Variants in GALNTL6 observed in about 807,000 individuals in gnomAD.
GALNTL6 encodes polypeptide N-acetylgalactosaminyltransferase-like 6.
In GALNTL6, 46 loss-of-function variants were observed where a neutral mutation model predicts 73.7. The ratio of observed to expected loss-of-function variants is 0.62; its 90% confidence interval spans 0.49 to 0.80. The LOEUF (loss-of-function observed/expected upper bound fraction) is 0.80, where lower values mean the gene tolerates loss of function less well. Among genes scored for constraint, GALNTL6 ranks in the 30% least tolerant of loss-of-function variants. GALNTL6 has a pLI of 0.00. For synonymous variants in GALNTL6, 259 were observed against 263.7 expected, an observed-to-expected ratio of 0.98 and a Z score of 0.17; for missense variants, 604 against 755.0, an observed-to-expected ratio of 0.80 and a Z score of 2.34.
chr4:172,176,538 T>C (rs1735008220), intron 2 of GALNTL6, among the ~76,000 whole-genome samples: 2 of 151,846 alleles, frequency 1.3e-5, no homozygotes, highest in African/African-American at 4.8e-5. Flanking sequence ...GCCTCTAATC[T>C]CAGTGGTTTT....
intron 10 of GALNTL6, among the ~76,000 whole-genome samples, chr4:172,974,560 C>A (rs775519565): frequency 2.6e-5 from 4 of 152,208 alleles, no homozygotes; most frequent in African/African-American, 9.7e-5. Flanking sequence ...AGAGGCCACA[C>A]TGGTGTCATG....
rs1196378450 is a variant in GALNTL6, at chr4:172,658,184, G to GGGCC, written c.554-151174_554-151171dup. On this transcript the variant is annotated intron_variant, in intron 5 of 12. Transcript: ENST00000506823. ...AAAAAAAAAAAGAAATATCTTTGTG[G>GGGCC]GGCCGGGTGCAGTGGCTCATGCCTG... 3.9e-5 allele frequency among the ~76,000 whole-genome samples: 5 copies of GGGCC among 128,208 alleles called. No homozygotes were observed. The South Asian group carries it at 1.3e-3, about 32-fold the overall frequency. 84.1% of individuals were successfully genotyped at this position (128,208 alleles called of 152,430 possible).
chr4:172,915,767 AC>A (rs894200770), intron 8 of GALNTL6, among the ~76,000 whole-genome samples: 4 of 151,972 alleles, frequency 2.6e-5, no homozygotes, highest in Non-Finnish European at 5.9e-5. Flanking sequence ...TAGCCTATCA[AC>A]AAAAAAGTCC....
chr4:172,634,984 G>T (rs1454509930), intron 5 of GALNTL6, among the ~76,000 whole-genome samples: 1 of 152,096 alleles, frequency 6.6e-6, no homozygotes, highest in African/African-American at 2.4e-5. Context: ...AGATTTGATG[G>T]CTTACATCAA....
At chr4:172,864,066 C>T (rs1305314670) in intron 7 of GALNTL6, among the ~76,000 whole-genome samples, 1 of 152,172 alleles carries the variant, frequency 6.6e-6, no homozygotes, top group Non-Finnish European at 1.5e-5. Flanking sequence ...CGTGACTTTG[C>T]TCTTCCTTTG....
intron 5 of GALNTL6, among the ~76,000 whole-genome samples, chr4:172,565,624 G>A (rs545937236): frequency 2.0e-4 from 30 of 152,270 alleles, no homozygotes; most frequent in African/African-American, 5.8e-4. Context: ...TCATAATTGA[G>A]TTTAGAAGTG....
intron 4 of GALNTL6, among the ~76,000 whole-genome samples, chr4:172,327,793 G>C (rs985156541): frequency 2.0e-5 from 3 of 151,996 alleles, no homozygotes; most frequent in Non-Finnish European, 4.4e-5. Context: ...ATCATTGCAT[G>C]TCAGATGGGT....
intron 5 of GALNTL6, among the ~76,000 whole-genome samples, chr4:172,417,241 T>G (rs1730871717): frequency 6.6e-6 from 1 of 152,056 alleles, no homozygotes; most frequent in East Asian, 1.9e-4. Flanking sequence ...TTAATGTAGC[T>G]GTTCTTTTTG....
At chr4:172,358,801 G>C (rs1163843598) in intron 5 of GALNTL6, among the ~76,000 whole-genome samples, 1 of 140,830 alleles carries the variant, frequency 7.1e-6, no homozygotes, top group Non-Finnish European at 1.5e-5. Flanking sequence ...AAACTTCAGT[G>C]TGCTTGTTTT....
At chr4:172,387,135 CACCTCCAAATA>C (rs944234165) in intron 5 of GALNTL6, among the ~76,000 whole-genome samples, 12 of 152,166 alleles carry the variant, frequency 7.9e-5, no homozygotes, top group African/African-American at 2.9e-4. Context: ...CCAAAGGGCC[CACCTCCAAATA>C]ACCTTCTATG....
chr4:172,477,607 C>T (rs1733286042), intron 5 of GALNTL6, among the ~76,000 whole-genome samples: 1 of 152,204 alleles, frequency 6.6e-6, no homozygotes, highest in South Asian at 2.1e-4. Context: ...CACTCTCCCA[C>T]CTTAACCTCA....
intron 5 of GALNTL6, among the ~76,000 whole-genome samples, chr4:172,789,074 C>A (rs1225753851): frequency 6.6e-6 from 1 of 152,144 alleles, no homozygotes; most frequent in Non-Finnish European, 1.5e-5. Context: ...TAGACGCCAG[C>A]TAGATGTCCT....
chr4:173,023,864 T>C (rs1428644204), intron 12 of GALNTL6, among the ~76,000 whole-genome samples: 2 of 152,182 alleles, frequency 1.3e-5, no homozygotes, highest in Non-Finnish European at 2.9e-5. Context: ...ATACAGCCTG[T>C]GTGTGGTGCA....
chr4:171,880,821 A>G (rs2110910965), intron 2 of GALNTL6, among the ~76,000 whole-genome samples: 1 of 152,304 alleles, frequency 6.6e-6, no homozygotes, highest in African/African-American at 2.4e-5. Context: ...CTTAAAAAAA[A>G]GAAAAACTGT....
At chr4:172,629,518 C>G (rs557861322) in intron 5 of GALNTL6, among the ~76,000 whole-genome samples, 1 of 152,140 alleles carries the variant, frequency 6.6e-6, no homozygotes, top group East Asian at 1.9e-4. Flanking sequence ...TGACAAGCAA[C>G]TTTTATTACT....
intron 9 of GALNTL6, among the ~76,000 whole-genome samples, chr4:172,931,701 G>A (rs1015023636): frequency 1.3e-5 from 2 of 152,164 alleles, no homozygotes; most frequent in African/African-American, 4.8e-5. Flanking sequence ...ATGGGAAAAG[G>A]TGGATGTCCA....
At chr4:172,368,532 G>A (rs1194415234) in intron 5 of GALNTL6, among the ~76,000 whole-genome samples, 4 of 152,238 alleles carry the variant, frequency 2.6e-5, no homozygotes, top group Non-Finnish European at 5.9e-5. Context: ...AACAGGTCTA[G>A]AGATAGTTCC....
intron 5 of GALNTL6, among the ~76,000 whole-genome samples, chr4:172,725,785 A>G (rs1735760099): frequency 1.3e-5 from 2 of 152,226 alleles, no homozygotes; most frequent in Non-Finnish European, 2.9e-5. Context: ...AATATTTGTC[A>G]TGCTTCTATG....
At chr4:172,728,070 G>A (rs1050558706) in intron 5 of GALNTL6, among the ~76,000 whole-genome samples, 24 of 152,032 alleles carry the variant, frequency 1.6e-4, no homozygotes, top group African/African-American at 4.6e-4. Flanking sequence ...CTGCCACCAC[G>A]CCTGGCTAAT....
Sources: allele counts gnomAD v4.1 joint callset (sites outside exome capture counted in the v4.1 genomes callset), GRCh38; gene constraint gnomAD v4.1.1; transcripts MANE v1.5; gene names NCBI Gene and HGNC (gene_info 2026-07-23, HGNC 2026-07-21).